Variants in MED15 observed in about 807,000 individuals in gnomAD.
The protein encoded by MED15 is mediator of RNA polymerase II transcription subunit 15.
In MED15, 41 loss-of-function variants were observed where a neutral mutation model predicts 118.7. That is an observed-to-expected ratio of 0.35 (90% CI 0.27 to 0.45). The LOEUF is 0.45. Ranked by LOEUF, MED15 falls within the 20% of genes least tolerant of loss-of-function variation. The pLI, the probability that MED15 is intolerant of heterozygous loss-of-function variation, is 1.00. For missense variants in MED15, 740 were observed against 1,025.5 expected (o/e 0.72, Z 3.80); for synonymous variants, 436 against 413.9 (o/e 1.05, Z -0.65).
intron 1 of MED15, among the ~76,000 whole-genome samples, chr22:20,528,037 G>A (rs1601483457): frequency 1.3e-5 from 2 of 151,802 alleles, no homozygotes; most frequent in Admixed American, 1.3e-4. Context: ...GAGATTACAG[G>A]TGCGAACCAC....
At chr22:20,560,696 C>T (rs373307701) in intron 5 of MED15, among the ~76,000 whole-genome samples, 1 of 152,184 alleles carries the variant, frequency 6.6e-6, no homozygotes, top group Non-Finnish European at 1.5e-5. Flanking sequence ...GCACCCAACC[C>T]CAGGGACTAT....
intron 16 of MED15, 193 bp from the exon 17 acceptor site, chr22:20,585,535 T>C (rs1201561768): frequency 4.4e-6 from 3 of 681,516 alleles, no homozygotes; most frequent in Admixed American, 2.7e-5. Context: ...AGGCAGGACC[T>C]CTGGGCACCC....
intron 9 of MED15, among the ~76,000 whole-genome samples, chr22:20,577,775 G>T (rs2056865056): frequency 6.6e-6 from 1 of 151,900 alleles, no homozygotes; most frequent in Non-Finnish European, 1.5e-5. Flanking sequence ...CTTTGGGGTT[G>T]TTCACTGAGG....
intron 2 of MED15, among the ~76,000 whole-genome samples, chr22:20,539,213 C>G (rs2055196384): frequency 1.3e-5 from 2 of 152,200 alleles, no homozygotes; most frequent in East Asian, 1.9e-4. Flanking sequence ...AGTCTCCTGT[C>G]TCAGCCTCCT....
chr22:20,560,077 GC>G (rs1252255612), intron 5 of MED15, among the ~76,000 whole-genome samples: 1 of 152,088 alleles, frequency 6.6e-6, no homozygotes, highest in East Asian at 1.9e-4. Flanking sequence ...GACCAGAGGT[GC>G]TGCTAACCAT....
rs1221289078 is a variant in MED15, at chr22:20,535,777, TCGTG to T, written c.69-1338_69-1335del. Among the ~76,000 whole-genome samples the T allele has an allele frequency of 1.5e-3, 223 of 152,014 alleles. 1 individual carries two copies. Among genetic ancestry groups the T allele is most frequent in the African/African-American group, 4.7e-3 (197 of 41,478 alleles). ...GGTTTCACTGTGTTAGCCAGGATGG[TCGTG>T]CTCGCCTGACCTCGTGATCTGCCCG... On this transcript the variant is annotated intron_variant, in intron 1 of 17. Transcript: ENST00000263205.
intron 2 of MED15, among the ~76,000 whole-genome samples, chr22:20,543,742 A>G (rs1285625404): frequency 7.0e-6 from 1 of 142,088 alleles, no homozygotes; most frequent in East Asian, 2.2e-4. Flanking sequence ...ATTTTTAGTA[A>G]AGATGGGATT....
intron 8 of MED15, chr22:20,574,247 A>G (rs1271493676): frequency 2.6e-5 from 4 of 152,208 alleles, no homozygotes; most frequent in African/African-American, 9.7e-5. Flanking sequence ...TTACCGTCCT[A>G]AGTGCCTGTA....
intron 1 of MED15, chr22:20,523,512 C>A: frequency 3.2e-6 from 1 of 310,488 alleles, no homozygotes; most frequent in African/African-American, 2.3e-5. Context: ...TAAATCACAT[C>A]CCAGACACCA....
Position 20,585,171 on chromosome 22 carries a change from C to T in MED15, c.2035C>T (p.Gln679Ter), listed in dbSNP as rs1164946982. ...DERQSIPSVL[Q>*]GEVARLDPKF... ...GCGGCAGAGCATCCCCAGTGTGCTC[C>T]AGGGTGAGGTGGCCAGGCTGGACCC... Residue 679 changes from glutamine to a stop codon, truncating the protein, a stop_gained, in exon 16 of 18, where the codon CAG (glutamine) becomes TAG (stop). Transcript: ENST00000263205. LOFTEE classifies it high-confidence loss of function. 6.2e-7 allele frequency: 1 copy of T among 1,613,824 alleles called. No homozygotes were observed. Among genetic ancestry groups the T allele is most frequent in the Non-Finnish European group, 8.5e-7 (1 of 1,180,014 alleles).
chr22:20,554,778 TG>T (rs2055923386), intron 4 of MED15, 157 bp from the exon 5 acceptor site: 3 of 667,580 alleles, frequency 4.5e-6, no homozygotes, highest in African/African-American at 3.6e-5. Context: ...CATTCATATT[TG>T]GGAGTCTCCA....
chr22:20,546,744 C>T (rs1035206468), intron 2 of MED15, among the ~76,000 whole-genome samples: 2 of 151,960 alleles, frequency 1.3e-5, no homozygotes, highest in Admixed American at 6.6e-5. Flanking sequence ...TAGATGGTCC[C>T]ATCCTCATCT....
chr22:20,568,643 G>A lies in MED15; in HGVS notation c.1152+12G>A, dbSNP rs374565269. The A allele has an allele frequency of 1.4e-5, 22 of 1,611,168 alleles. No individual in the cohort carries two copies. Among genetic ancestry groups the A allele is most frequent in the Middle Eastern group, 1.6e-4 (1 of 6,080 alleles). On this transcript the variant is annotated intron_variant, in intron 8 of 17. Transcript: ENST00000263205. ...CTCCCGGAGTCCAGGTGAGGGCCTGGGGGTGGAGGGCTCCATAGTCATCAG... is the reference window on the plus strand; with the variant it reads ...CTCCCGGAGTCCAGGTGAGGGCCTGAGGGTGGAGGGCTCCATAGTCATCAG...
chr22:20,527,828 G>A (rs1051094676), intron 1 of MED15, among the ~76,000 whole-genome samples: 101 of 151,884 alleles, frequency 6.6e-4, no homozygotes, highest in Non-Finnish European at 1.3e-3. Context: ...ATGGTGGCGC[G>A]CGCCTGTAGT....
chr22:20,508,365 C>G, intron 1 of MED15: 1 of 1,304,200 alleles, frequency 7.7e-7, no homozygotes, highest in Non-Finnish European at 1.0e-6. Flanking sequence ...GAACTCTAGC[C>G]CCTCACCACC....
At chr22:20,537,274 C>A in intron 2 of MED15, 70 bp downstream of exon 2, 4 of 1,394,720 alleles carry the variant, frequency 2.9e-6, no homozygotes, top group Admixed American at 3.5e-5. Context: ...GACTCTGGAA[C>A]CCCTCTGTTG....
In MED15 at chr22:20,566,580, A is replaced by G. The variant is rs1308166700; in HGVS notation, c.804A>G (p.Pro268=). The G allele has an allele frequency of 2.5e-6, 4 of 1,613,514 alleles. No individual in the cohort carries two copies. In the South Asian group the frequency reaches 3.3e-5, roughly 13 times the overall value. Residue 268 remains proline (P), a synonymous_variant, in exon 7 of 18, where the codon CCA becomes CCG. Transcript: ENST00000263205. ...QQQQQALQAQ[P]PIQQPPMQQP... Reference sequence around the variant, plus strand: ...AGCAGCAGGCTTTGCAGGCCCAGCCACCAATTCAGCAGCCACCGATGCAGC... The same window carrying G: ...AGCAGCAGGCTTTGCAGGCCCAGCCGCCAATTCAGCAGCCACCGATGCAGC...
Position 20,566,508 on chromosome 22 carries a change from G to T in MED15, c.732G>T (p.Leu244=). 1 of 1,609,730 alleles carries T rather than the reference G, an allele frequency of 6.2e-7. No individual in the cohort carries two copies. The highest frequency in any genetic ancestry group is 8.5e-7 in the Non-Finnish European group (1 of 1,177,570). Residue 244 remains leucine, a synonymous_variant, in exon 7 of 18, where the codon CTG becomes CTT. Transcript: ENST00000263205. ...AGCAGCTGCAGCGAATAGCACAGCT[G>T]CAGCTCCAACAACAGCAACAGCAGC... ...QQQQLQRIAQ[L]QLQQQQQQQQ...
intron 1 of MED15, among the ~76,000 whole-genome samples, chr22:20,528,055 G>T (rs946607939): frequency 2.6e-5 from 4 of 151,828 alleles, no homozygotes; most frequent in Non-Finnish European, 4.4e-5. Context: ...CACTGCACCT[G>T]GCCTAATAAA....
Sources: allele counts gnomAD v4.1 joint callset (sites outside exome capture counted in the v4.1 genomes callset), GRCh38; gene constraint gnomAD v4.1.1; transcripts MANE v1.5; gene names NCBI Gene and HGNC (gene_info 2026-07-23, HGNC 2026-07-21).